The following ST6GALNAC1 variants were observed in gnomAD, a reference collection of about 807,000 sequenced individuals.
The protein encoded by ST6GALNAC1 is ST6 N-acetylgalactosaminide alpha-2,6-sialyltransferase 1.
A neutral mutation model predicts 56.8 loss-of-function variants in ST6GALNAC1; 45 were observed. That is an observed-to-expected ratio of 0.79 (90% CI 0.62 to 1.02). The LOEUF (loss-of-function observed/expected upper bound fraction) is 1.02. ST6GALNAC1 is among the 50% of genes least tolerant of loss of function. The pLI, the probability that ST6GALNAC1 is intolerant of heterozygous loss-of-function variation, is 0.00. For synonymous variants in ST6GALNAC1, 295 were observed against 297.8 expected, an observed-to-expected ratio of 0.99 and a Z score of 0.10; for missense variants, 743 against 754.8, an observed-to-expected ratio of 0.98 and a Z score of 0.18.
chr17:76,620,667 C>A (rs1433285557), downstream of ST6GALNAC1, among the ~76,000 whole-genome samples: 1 of 151,520 alleles, frequency 6.6e-6, no homozygotes, highest in Non-Finnish European at 1.5e-5. Flanking sequence ...CCTCCGTCTC[C>A]CAGGTTCAAG....
At chr17:76,626,174 C>A in intron 6 of ST6GALNAC1, 79 bp from the exon 7 acceptor site, 1 of 1,554,642 alleles carries the variant, frequency 6.4e-7, no homozygotes, top group South Asian at 1.1e-5. Context: ...ATGAGCATGA[C>A]TGGTATCCCA....
rs559542547 is a variant in ST6GALNAC1 at position 76,625,490 on chromosome 17, C to T, written c.1643G>A (p.Arg548His). ...AYGFITEGHERFSDHYYDTSW... is the reference protein window; with the variant it reads ...AYGFITEGHEHFSDHYYDTSW... ...TGTATCATAGTAGTGATCAGAAAAGCGCTCATGGCCCTCAGTGATGAAGCC... is the reference window on the plus strand; with the variant it reads ...TGTATCATAGTAGTGATCAGAAAAGTGCTCATGGCCCTCAGTGATGAAGCC... The change falls in exon 9 of 9, where the codon CGC (arginine) becomes CAC (histidine). Residue 548 changes from arginine (R) to histidine (H), a missense_variant. Arg to His is a conservative substitution (Grantham distance 29). Transcript: ENST00000156626. 118 of 1,614,062 alleles carry T rather than the reference C, an allele frequency of 7.3e-5. 3 individuals carry two copies. In the South Asian group the frequency reaches 9.6e-4, roughly 13 times the overall value.
At chr17:76,641,327 C>T (rs561548829) in intron 1 of ST6GALNAC1, among the ~76,000 whole-genome samples, 1 of 152,192 alleles carries the variant, frequency 6.6e-6, no homozygotes, top group Admixed American at 6.6e-5. Flanking sequence ...CTCAACCCTT[C>T]AGTCTCTCTG....
At chr17:76,633,206 C>T (rs2075931876) in intron 1 of ST6GALNAC1, among the ~76,000 whole-genome samples, 1 of 151,502 alleles carries the variant, frequency 6.6e-6, no homozygotes, top group Non-Finnish European at 1.5e-5. Flanking sequence ...AAGACTCCAT[C>T]TCAATTAAAA....
Position 76,629,419 on chromosome 17 carries a change from G to T in ST6GALNAC1, c.424C>A (p.Gln142Lys). 1 of 1,614,142 alleles carries T rather than the reference G, an allele frequency of 6.2e-7. No homozygotes were observed. Among genetic ancestry groups the T allele is most frequent in the Non-Finnish European group, 8.5e-7 (1 of 1,180,032 alleles). Residue 142 changes from glutamine (Q) to lysine (K), a missense_variant, in exon 2 of 9, where the codon CAA (glutamine) becomes AAA (lysine). Transcript: ENST00000156626. ...CTGCCAGAGGCCATCCCTGCATCTT[G>T]CCCTCTGGGTGACAGTGTGTTCACC... Reference protein sequence around the residue: ...TMVNTLSPRGQDAGMASGRTE... With the variant: ...TMVNTLSPRGKDAGMASGRTE...
intron 1 of ST6GALNAC1, among the ~76,000 whole-genome samples, chr17:76,633,008 C>G (rs2075926462): frequency 6.6e-6 from 1 of 151,978 alleles, no homozygotes; most frequent in Admixed American, 6.6e-5. Flanking sequence ...GAGTTCAAGA[C>G]CAGCCTGGCC....
Position 76,643,588 on chromosome 17 carries a change from C to T in ST6GALNAC1, c.51G>A (p.Trp17Ter). The T allele has an allele frequency of 6.2e-7, 1 of 1,614,150 alleles. No homozygotes were observed. The highest frequency in any genetic ancestry group is 8.5e-7 in the Non-Finnish European group (1 of 1,179,992). The change falls in exon 1 of 9, where the codon TGG becomes TGA. Residue 17 changes from tryptophan (W) to a stop codon, truncating the protein, a stop_gained. Transcript: ENST00000156626. LOFTEE classifies it high-confidence loss of function. The part of the protein sequence containing the change: ...RCRHLSQGVQ[W>*]SLLLAVLVFF... ...AGACCAGGACAGCCAGAAGCAAGGA[C>T]CACTGGACGCCTTGGCTCAGGTGCC...
At chr17:76,635,645 A>G (rs2075964472) in intron 1 of ST6GALNAC1, among the ~76,000 whole-genome samples, 1 of 152,208 alleles carries the variant, frequency 6.6e-6, no homozygotes, top group Admixed American at 6.5e-5. Flanking sequence ...TCAAAACAAC[A>G]ACAACAATAA....
At chr17:76,622,847 G>A (rs998447112), downstream of ST6GALNAC1, among the ~76,000 whole-genome samples, 1 of 149,934 alleles carries the variant, frequency 6.7e-6, no homozygotes, top group East Asian at 2.0e-4. Flanking sequence ...AGGCTGGAGT[G>A]CAATGTCGCG....
At chr17:76,630,762 T>TG (rs1182039091) in intron 1 of ST6GALNAC1, among the ~76,000 whole-genome samples, 2 of 151,040 alleles carry the variant, frequency 1.3e-5, no homozygotes, top group African/African-American at 4.9e-5. Flanking sequence ...TTTTTTTTTT[T>TG]GTATTTTTAG....
Position 76,629,713 on chromosome 17 carries a change from T to C in ST6GALNAC1, c.132-2A>G, listed in dbSNP as rs760443787. 2 of 1,609,054 alleles carry C rather than the reference T, an allele frequency of 1.2e-6. No homozygotes were observed. The highest frequency in any genetic ancestry group is 1.7e-6 in the Non-Finnish European group (2 of 1,176,442). On this transcript the variant is annotated splice_acceptor_variant, in intron 1 of 8. Transcript: ENST00000156626. LOFTEE classifies it high-confidence loss of function. ...TTAATGTTCTCTGTGCGTTGATGCCTAGGGACAGAGATAACCTTTGATGAA... is the reference window on the plus strand; with the variant it reads ...TTAATGTTCTCTGTGCGTTGATGCCCAGGGACAGAGATAACCTTTGATGAA...
In ST6GALNAC1 at chr17:76,643,558, AAAG is replaced by A. The variant is rs748465073; in HGVS notation, c.78_80del (p.Phe27del). 7.4e-6 allele frequency: 12 copies of A among 1,614,196 alleles called. No homozygotes were observed. Among genetic ancestry groups the A allele is most frequent in the South Asian group, 1.1e-5 (1 of 91,084 alleles). ...TAATAAAAGAGGGCAAGGCGAAGAG[AAAG>A]AAGACCAGGACAGCCAGAAGCAAGG... On this transcript the variant is annotated inframe_deletion, in exon 1 of 9. Coordinates refer to ENST00000156626, the MANE Select transcript of ST6GALNAC1 (RefSeq NM_018414.5).
At position 76,629,534 on chromosome 17, in the gene ST6GALNAC1, C is replaced by T. The variant is rs1195525825; in HGVS notation, c.309G>A (p.Glu103=). The change falls in exon 2 of 9, where the codon GAG becomes GAA. Residue 103 remains glutamate, a synonymous_variant. Coordinates refer to ENST00000156626, the MANE Select transcript of ST6GALNAC1 (RefSeq NM_018414.5). ...GCTCCTCCGGCGGTGCCTGGTTGGC[C>T]TCCTTTCCTCTGTCTCCGGTGGTGT... ...KAHTTGDRGK[E]ANQAPPEEQD... 2.5e-6 allele frequency: 4 copies of T among 1,614,022 alleles called. No individual in the cohort carries two copies. In the East Asian group the frequency reaches 6.7e-5, roughly 27 times the overall value.
rs1445806526 is a variant in ST6GALNAC1 at position 76,625,919 on chromosome 17, C to T, written c.1506-1G>A. ...ATCCAGGGTCTTAGACCTCAGAAAC[C>T]TGTGAAATGCCCCAAACCCCCAACT... On this transcript the variant is annotated splice_acceptor_variant, in intron 7 of 8. Transcript: ENST00000156626. LOFTEE classifies it high-confidence loss of function. 1 of 1,587,408 alleles carries T rather than the reference C, an allele frequency of 6.3e-7. No homozygotes were observed. Among genetic ancestry groups the T allele is most frequent in the Non-Finnish European group, 8.6e-7 (1 of 1,167,482 alleles).
chr17:76,625,772 C>A, intron 8 of ST6GALNAC1, 47 bp downstream of exon 8: 2 of 1,433,900 alleles, frequency 1.4e-6, no homozygotes, highest in Non-Finnish European at 9.3e-7. Context: ...AGGAATAGCC[C>A]AGGAGCTGTT....
At position 76,629,377 on chromosome 17, in the gene ST6GALNAC1, A is replaced by T; in HGVS notation, c.466T>A (p.Trp156Arg). ...MASGRTEAQS[W>R]KSQDTKTTQG... is the part of the protein sequence containing the mutation. Reference sequence around the variant, plus strand: ...GTCGTCTTTGTGTCCTGGCTCTTCCATGATTGTGCCTCTGTCCTGCCAGAG... The same window carrying T: ...GTCGTCTTTGTGTCCTGGCTCTTCCTTGATTGTGCCTCTGTCCTGCCAGAG... The change falls in exon 2 of 9, where the codon TGG becomes AGG. Residue 156 changes from tryptophan to arginine, a missense_variant. Trp to Arg is a moderately radical substitution (Grantham distance 101). Coordinates refer to ENST00000156626, the MANE Select transcript of ST6GALNAC1 (RefSeq NM_018414.5). The T allele has an allele frequency of 6.2e-7, 1 of 1,614,050 alleles. No individual in the cohort carries two copies. Among genetic ancestry groups the T allele is most frequent in the Non-Finnish European group, 8.5e-7 (1 of 1,179,978 alleles).
chr17:76,628,253 TC>T lies in ST6GALNAC1; in HGVS notation c.832-671del, dbSNP rs2075837975. On this transcript the variant is annotated intron_variant, in intron 2 of 8. Transcript: ENST00000156626. ...TTTATGGGCCTTCTCCCTCCCTCCC[TC>T]CCTCCCTCCCTCCCTCCTTCCTTCC... Among the ~76,000 whole-genome samples, 159 of 35,958 alleles carry T rather than the reference TC, an allele frequency of 4.4e-3. 2 individuals carry two copies. The highest frequency in any genetic ancestry group is 0.014 in the African/African-American group (151 of 10,826). 23.6% of individuals were successfully genotyped at this position (35,958 alleles called of 152,430 possible).
intron 1 of ST6GALNAC1, among the ~76,000 whole-genome samples, chr17:76,636,091 G>C (rs995132499): frequency 1.1e-4 from 16 of 152,314 alleles, no homozygotes; most frequent in Non-Finnish European, 2.4e-4. Flanking sequence ...CTTAAAACAT[G>C]AAAGGATAGC....
At chr17:76,641,416 G>A (rs115892443) in intron 1 of ST6GALNAC1, among the ~76,000 whole-genome samples, 1 of 151,928 alleles carries the variant, frequency 6.6e-6, no homozygotes, top group Non-Finnish European at 1.5e-5. Context: ...TATACAAAAA[G>A]CTCCTACAAA....
Sources: allele counts gnomAD v4.1 joint callset (sites outside exome capture counted in the v4.1 genomes callset), GRCh38; gene constraint gnomAD v4.1.1; transcripts MANE v1.5; gene names NCBI Gene and HGNC (gene_info 2026-07-23, HGNC 2026-07-21).